Variants in SASH1 observed in about 807,000 individuals in gnomAD.
SASH1 encodes the protein SAM and SH3 domain-containing protein 1.
SASH1 carries 44 observed loss-of-function variants against 125.2 expected under a neutral mutation model. The ratio of observed to expected loss-of-function variants is 0.35; its 90% CI spans 0.28 to 0.45. The LOEUF is 0.45. Among genes scored for constraint, SASH1 ranks in the 20% least tolerant of loss-of-function variants. The pLI, the probability that SASH1 is intolerant of heterozygous loss-of-function variation, is 1.00. For synonymous variants in SASH1, 639 were observed against 649.1 expected, an observed-to-expected ratio of 0.98 and a Z score of 0.24; for missense variants, 1,426 against 1,614.5, an observed-to-expected ratio of 0.88 and a Z score of 2.00.
At chr6:148,423,851 TGAGTGATTG>T (rs1187856503) in intron 2 of SASH1, among the ~76,000 whole-genome samples, 1 of 152,172 alleles carries the variant, frequency 6.6e-6, no homozygotes, top group Non-Finnish European at 1.5e-5. Context: ...TTCAAATGTT[TGAGTGATTG>T]GGCTAGAACT....
chr6:148,282,756 T>C (rs1323217767), intron 1 of SASH1, among the ~76,000 whole-genome samples: 1 of 35,926 alleles, frequency 2.8e-5, no homozygotes, highest in Non-Finnish European at 5.0e-5. Flanking sequence ...ACAACCACTA[T>C]ATTAGGAGGA....
intron 1 of SASH1, among the ~76,000 whole-genome samples, chr6:148,276,145 T>G (rs1179390311): frequency 2.0e-5 from 3 of 152,216 alleles, no homozygotes; most frequent in African/African-American, 7.2e-5. Context: ...GATAAGTTAA[T>G]TCTCTCTCCA....
chr6:148,414,526 A>T (rs1485553640), intron 2 of SASH1, among the ~76,000 whole-genome samples: 1 of 152,206 alleles, frequency 6.6e-6, no homozygotes, highest in Non-Finnish European at 1.5e-5. Flanking sequence ...AGTGAGAACT[A>T]TGGGAAATAA....
chr6:148,446,388 G>A (rs866748164), intron 4 of SASH1, among the ~76,000 whole-genome samples: 2 of 152,124 alleles, frequency 1.3e-5, no homozygotes, highest in South Asian at 2.1e-4. Flanking sequence ...GATGACAGGC[G>A]TGAGCCACCG....
chr6:148,352,626 TAAA>T, intron 1 of SASH1, among the ~76,000 whole-genome samples: 1 of 149,848 alleles, frequency 6.7e-6, no homozygotes, highest in East Asian at 2.0e-4. Flanking sequence ...AATAAATAAA[TAAA>T]TAAATAAATA....
the SASH1 span, among the ~76,000 whole-genome samples, chr6:148,259,220 A>C: frequency 6.6e-6 from 1 of 152,160 alleles, no homozygotes; most frequent in Non-Finnish European, 1.5e-5. Flanking sequence ...AAGATTCGGA[A>C]AGTTAAAACA....
chr6:148,415,627 G>A (rs1784790795), intron 2 of SASH1, among the ~76,000 whole-genome samples: 1 of 152,138 alleles, frequency 6.6e-6, no homozygotes, highest in Non-Finnish European at 1.5e-5. Context: ...AATACAAATA[G>A]GTTTGAACAC....
At chr6:148,373,905 G>A (rs1782790541) in intron 1 of SASH1, among the ~76,000 whole-genome samples, 1 of 152,182 alleles carries the variant, frequency 6.6e-6, no homozygotes. Context: ...CCTGGGAGAC[G>A]GAGGTTGCAC....
chr6:148,549,489 A>C lies in SASH1; in HGVS notation c.*931A>C, dbSNP rs1673222946. On this transcript the variant is annotated 3_prime_UTR_variant, in exon 20 of 20. Transcript: ENST00000367467. ...CCAGTTTAGTATCGTTACTGTGTGG[A>C]TCGTCGCGCTGCAGTATTGACTTGG... The C allele has an allele frequency of 2.5e-6, 1 of 397,356 alleles. No homozygotes were observed. The highest frequency in any genetic ancestry group is 3.6e-5 in the East Asian group (1 of 28,012). 24.6% of individuals were successfully genotyped at this position (397,356 alleles called of 1,614,324 possible).
chr6:148,373,734 C>T (rs1782783056), intron 1 of SASH1, among the ~76,000 whole-genome samples: 1 of 151,826 alleles, frequency 6.6e-6, no homozygotes, highest in Non-Finnish European at 1.5e-5. Context: ...CTTTGGGAGG[C>T]CAAGGTGGGG....
intron 1 of SASH1, among the ~76,000 whole-genome samples, chr6:148,384,485 C>T (rs1333928634): frequency 6.6e-6 from 1 of 152,122 alleles, no homozygotes; most frequent in Admixed American, 6.5e-5. Flanking sequence ...TATTTTGCAA[C>T]ATCAGTGCTT....
intron 2 of SASH1, among the ~76,000 whole-genome samples, chr6:148,437,646 G>A (rs114775500): frequency 0.012 from 1,820 of 152,268 alleles, 39 homozygotes; most frequent in African/African-American, 0.042. Context: ...GGCACAAGAC[G>A]GCATTGCGTG....
At chr6:148,390,775 A>G (rs1783680452) in intron 2 of SASH1, among the ~76,000 whole-genome samples, 2 of 151,670 alleles carry the variant, frequency 1.3e-5, no homozygotes, top group African/African-American at 2.4e-5. Context: ...GCGACAGAGC[A>G]AGACTCCGTC....
chr6:148,463,302 G>A (rs887453158), intron 4 of SASH1, among the ~76,000 whole-genome samples: 10 of 152,058 alleles, frequency 6.6e-5, no homozygotes, highest in African/African-American at 1.9e-4. Flanking sequence ...TCTCCACCAC[G>A]CCTGGCTAAT....
chr6:148,276,754 C>T (rs889478167), intron 1 of SASH1, among the ~76,000 whole-genome samples: 1 of 151,958 alleles, frequency 6.6e-6, no homozygotes, highest in African/African-American at 2.4e-5. Context: ...TTTTTTTACC[C>T]AAGAAGTGCC....
At chr6:148,311,186 A>C (rs1185699799) in intron 1 of SASH1, among the ~76,000 whole-genome samples, 1 of 151,090 alleles carries the variant, frequency 6.6e-6, no homozygotes, top group Non-Finnish European at 1.5e-5. Flanking sequence ...GGCTCACTGC[A>C]ACATCTGCCT....
chr6:148,549,330 C>CT lies in SASH1; in HGVS notation c.*774dup, dbSNP rs554537440. The CT allele has an allele frequency of 7.9e-5, 25 of 315,602 alleles. No homozygotes were observed. The South Asian group carries it at 3.9e-3, about 49-fold the overall frequency. 19.6% of individuals were successfully genotyped at this position (315,602 alleles called of 1,614,324 possible). On this transcript the variant is annotated 3_prime_UTR_variant, in exon 20 of 20. Coordinates refer to ENST00000367467, the MANE Select transcript of SASH1 (RefSeq NM_015278.5). Reference sequence around the variant, plus strand: ...TGTAGAGGTATTCATCAGCCACACACTTCATGTTGGTTTTTGGTTTTTAAG... The same window carrying CT: ...TGTAGAGGTATTCATCAGCCACACACTTTCATGTTGGTTTTTGGTTTTTAAG...
At chr6:148,259,867 G>T in the SASH1 span, among the ~76,000 whole-genome samples, 3 of 152,044 alleles carry the variant, frequency 2.0e-5, no homozygotes, top group Admixed American at 6.6e-5. Context: ...GCACTGTAAA[G>T]CTTGACTTTT....
At chr6:148,500,658 G>C (rs1426019545) in intron 8 of SASH1, among the ~76,000 whole-genome samples, 1 of 152,174 alleles carries the variant, frequency 6.6e-6, no homozygotes, top group Non-Finnish European at 1.5e-5. Flanking sequence ...GAAGTTGTGG[G>C]CCTTTTCCAG....
Sources: gnomAD v4.1 joint callset for allele counts (sites outside exome capture counted in the v4.1 genomes callset) on GRCh38, gnomAD v4.1.1 for gene constraint, MANE v1.5 for transcripts, NCBI Gene and HGNC (gene_info 2026-07-23, HGNC 2026-07-21) for gene names.